Variants in NEBL observed in about 807,000 individuals in gnomAD.
The protein encoded by NEBL is nebulette, also known as LIM and SH3 protein 2.
In NEBL, 122 loss-of-function variants were observed where a neutral mutation model predicts 140.2. The observed-to-expected ratio is 0.87, with a 90% CI of 0.75 to 1.01. The LOEUF (loss-of-function observed/expected upper bound fraction) is 1.01. NEBL is among the 50% of genes least tolerant of loss of function. The probability of loss-of-function intolerance (pLI) is 0.00; values close to 1 mark genes in which losing one functional copy is unlikely to be tolerated. For synonymous variants in NEBL, 436 were observed against 398.9 expected, an observed-to-expected ratio of 1.09 and a Z score of -1.11; for missense variants, 1,365 against 1,231.3, an observed-to-expected ratio of 1.11 and a Z score of -1.62.
chr10:20,953,443 G>A (rs539270459), intron 4 of NEBL, among the ~76,000 whole-genome samples: 18 of 151,450 alleles, frequency 1.2e-4, no homozygotes, highest in East Asian at 3.9e-4. Flanking sequence ...AATTTCTGTC[G>A]CTTTACGCTG....
intron 2 of NEBL, among the ~76,000 whole-genome samples, chr10:21,128,261 C>T (rs931363600): frequency 1.3e-5 from 2 of 152,064 alleles, no homozygotes; most frequent in Non-Finnish European, 2.9e-5. Flanking sequence ...CATTTTCTTC[C>T]TCTTGAAACA....
intron 3 of NEBL, among the ~76,000 whole-genome samples, chr10:21,223,237 T>C (rs1842098880): frequency 6.6e-6 from 1 of 152,210 alleles, no homozygotes; most frequent in Admixed American, 6.5e-5. Context: ...TTCTTACACT[T>C]TCTATCTCCA....
chr10:21,185,220 C>T (rs915844783), intron 3 of NEBL, among the ~76,000 whole-genome samples: 9 of 152,236 alleles, frequency 5.9e-5, no homozygotes, highest in Admixed American at 1.3e-4. Context: ...AGAATGCAGC[C>T]GGCTGGTAAC....
At chr10:20,830,150 T>C (rs1840267092) in intron 16 of NEBL, among the ~76,000 whole-genome samples, 2 of 152,312 alleles carry the variant, frequency 1.3e-5, no homozygotes, top group South Asian at 4.1e-4. Context: ...CCTCTGACAT[T>C]TGACTCTGCC....
At chr10:21,245,468 T>C (rs1476968759) in intron 3 of NEBL, among the ~76,000 whole-genome samples, 2 of 152,220 alleles carry the variant, frequency 1.3e-5, no homozygotes, top group African/African-American at 4.8e-5. Flanking sequence ...GGTAGGGAAG[T>C]AGGGATTTAT....
intron 2 of NEBL, among the ~76,000 whole-genome samples, chr10:21,104,353 C>G (rs1837614128): frequency 6.6e-6 from 1 of 152,150 alleles, no homozygotes. Context: ...ATTGAGTCTT[C>G]CAATCTATGA....
At chr10:20,838,162 A>G (rs1832907459) in intron 13 of NEBL, among the ~76,000 whole-genome samples, 1 of 152,232 alleles carries the variant, frequency 6.6e-6, no homozygotes, top group South Asian at 2.1e-4. Flanking sequence ...TCCTCTGATG[A>G]ATCTGGGCAA....
intron 2 of NEBL, among the ~76,000 whole-genome samples, chr10:21,067,097 C>G (rs1392357972): frequency 6.6e-6 from 1 of 151,370 alleles, no homozygotes; most frequent in Admixed American, 6.6e-5. Context: ...CTCAGCCTCC[C>G]GAGTAGCTGG....
intron 4 of NEBL, among the ~76,000 whole-genome samples, chr10:20,935,735 C>A (rs1460043077): frequency 6.6e-6 from 1 of 152,126 alleles, no homozygotes; most frequent in Non-Finnish European, 1.5e-5. Context: ...TGCAAAGAAT[C>A]ATTAGGAAAT....
In NEBL at chr10:20,784,507, A is replaced by G. The variant is rs563312470; in HGVS notation, c.*1240T>C. 1 of 152,344 alleles carries G rather than the reference A, an allele frequency of 6.6e-6. No homozygotes were observed. Among genetic ancestry groups the G allele is most frequent in the East Asian group, 1.9e-4 (1 of 5,188 alleles). The allele number at this position is 152,344 out of a possible 1,614,324, so 9.4% of individuals were successfully genotyped here. On this transcript the variant is annotated 3_prime_UTR_variant, in exon 28 of 28. Transcript: ENST00000377122. ...TGATTTAGAAAATAAAAGCAAAAAA[A>G]AATGGAAAAGGACGTCTTTTGATTA...
chr10:21,102,946 C>G (rs1046336054), intron 2 of NEBL, among the ~76,000 whole-genome samples: 2 of 151,948 alleles, frequency 1.3e-5, no homozygotes, highest in Non-Finnish European at 2.9e-5. Context: ...GTATTAAGCC[C>G]AGCAGGTATT....
intron 24 of NEBL, among the ~76,000 whole-genome samples, chr10:20,811,288 T>C (rs1427751658): frequency 6.6e-6 from 1 of 152,212 alleles, no homozygotes; most frequent in African/African-American, 2.4e-5. Context: ...CTAGACAGTT[T>C]CATGGTTTTT....
chr10:21,191,897 A>T (rs1841580035), intron 3 of NEBL, among the ~76,000 whole-genome samples: 1 of 152,214 alleles, frequency 6.6e-6, no homozygotes, highest in Non-Finnish European at 1.5e-5. Flanking sequence ...AGACCTAGAG[A>T]CAGTGGGAGG....
rs370924106 is a variant in NEBL, at chr10:20,946,349, G to C, written c.357+15323C>G. ...GTGGCCCTCGTGCTACTGGTAGTTAGCAGGATGAAGCTGAGTCAAGGAACA... is the reference window on the plus strand; with the variant it reads ...GTGGCCCTCGTGCTACTGGTAGTTACCAGGATGAAGCTGAGTCAAGGAACA... On this transcript the variant is annotated intron_variant, in intron 4 of 6. Transcript: ENST00000417816. Among the ~76,000 whole-genome samples the C allele has an allele frequency of 6.6e-5, 10 of 152,310 alleles. No homozygotes were observed. The East Asian group carries it at 1.2e-3, about 18-fold the overall frequency.
At chr10:20,902,387 C>T (rs1003201989) in intron 4 of NEBL, among the ~76,000 whole-genome samples, 1 of 139,622 alleles carries the variant, frequency 7.2e-6, no homozygotes, top group African/African-American at 2.7e-5. Context: ...GCCTGGGCAA[C>T]AGAGCAAAGA....
intron 3 of NEBL, among the ~76,000 whole-genome samples, chr10:20,990,309 C>A (rs1837410572): frequency 6.6e-6 from 1 of 152,152 alleles, no homozygotes; most frequent in Admixed American, 6.5e-5. Context: ...TGTGTCCTCC[C>A]CAAATTCATA....
In NEBL at chr10:20,782,516, G is replaced by C. The variant is rs151001552; in HGVS notation, c.*3231C>G. On this transcript the variant is annotated 3_prime_UTR_variant, in exon 28 of 28. Coordinates refer to ENST00000377122, the MANE Select transcript of NEBL (RefSeq NM_006393.3). ...CCAGAGTGTTGTCAAGCTCAGCATG[G>C]AGAGGATAAGGAAAGACTGTGGCAC... The C allele has an allele frequency of 6.6e-5, 10 of 152,396 alleles. No homozygotes were observed. Among genetic ancestry groups the C allele is most frequent in the Admixed American group, 6.5e-5 (1 of 15,284 alleles). The allele number at this position is 152,396 out of a possible 1,614,324, so 9.4% of individuals were successfully genotyped here.
rs531831659 is a variant in NEBL, at chr10:21,181,215, A to G, written n.349-8738T>C. ...GAGGGAGAGGTTGCTGTAAGCCAAG[A>G]TCGGGCCATTGCATGTCAACCTTGG... is the stretch of plus-strand genomic sequence containing the variant. On this transcript the variant is annotated intron_variant and non_coding_transcript_variant, in intron 3 of 8. Coordinates refer to the NEBL transcript ENST00000675702. Among the ~76,000 whole-genome samples, 91 of 151,960 alleles carry G rather than the reference A, an allele frequency of 6.0e-4. 1 individual carries two copies. The highest frequency in any genetic ancestry group is 6.8e-3 in the Middle Eastern group (2 of 292).
intron 3 of NEBL, among the ~76,000 whole-genome samples, chr10:21,200,872 T>C (rs1046004457): frequency 2.0e-5 from 3 of 152,014 alleles, no homozygotes; most frequent in African/African-American, 7.2e-5. Flanking sequence ...TTTGAGAGGA[T>C]TGTGCGAGCC....
Sources: gnomAD v4.1 joint callset for allele counts (sites outside exome capture counted in the v4.1 genomes callset) on GRCh38, gnomAD v4.1.1 for gene constraint, MANE v1.5 for transcripts, NCBI Gene and HGNC (gene_info 2026-07-23, HGNC 2026-07-21) for gene names.